Variants in PRKAR2B observed in about 807,000 individuals in gnomAD.
PRKAR2B encodes protein kinase cAMP-dependent type II regulatory subunit beta.
Under a neutral mutation model 49.9 loss-of-function variants are expected in PRKAR2B, and 14 were observed. That is an observed-to-expected ratio of 0.28 (90% CI 0.19 to 0.44). PRKAR2B has a LOEUF of 0.44. Ranked by LOEUF, PRKAR2B falls within the 20% of genes least tolerant of loss-of-function variation. The pLI is 1.00. For synonymous variants in PRKAR2B, 196 were observed against 197.7 expected, an observed-to-expected ratio of 0.99 and a Z score of 0.07; for missense variants, 393 against 537.9, an observed-to-expected ratio of 0.73 and a Z score of 2.67.
chr7:107,146,837 T>G (rs1199749052), intron 6 of PRKAR2B, among the ~76,000 whole-genome samples: 1 of 152,214 alleles, frequency 6.6e-6, no homozygotes, highest in East Asian at 1.9e-4. Flanking sequence ...TCCCAGAGTG[T>G]GGTCCCCTGA....
chr7:107,149,047 A>G (rs1795940485), intron 6 of PRKAR2B, among the ~76,000 whole-genome samples: 1 of 152,224 alleles, frequency 6.6e-6, no homozygotes, highest in South Asian at 2.1e-4. Context: ...ATGGTGTTAT[A>G]CCTGATTTCC....
chr7:107,079,912 G>C (rs576334467), intron 2 of PRKAR2B, among the ~76,000 whole-genome samples: 1 of 150,002 alleles, frequency 6.7e-6, no homozygotes, highest in Non-Finnish European at 1.5e-5. Context: ...TGTGTAGAGC[G>C]GTGTGAGATT....
chr7:107,059,850 A>G (rs988608003), intron 1 of PRKAR2B, among the ~76,000 whole-genome samples: 2 of 152,114 alleles, frequency 1.3e-5, no homozygotes. Flanking sequence ...TAATACTTCT[A>G]AGATTTTCTT....
chr7:107,055,319 TATATACCCAGTA>T (rs1793890481), intron 1 of PRKAR2B, among the ~76,000 whole-genome samples: 1 of 152,218 alleles, frequency 6.6e-6, no homozygotes, highest in South Asian at 2.1e-4. Context: ...ATCCTTTGGG[TATATACCCAGTA>T]ATGGGATGGC....
intron 1 of PRKAR2B, among the ~76,000 whole-genome samples, chr7:107,060,868 T>C (rs1794014847): frequency 6.6e-6 from 1 of 152,202 alleles, no homozygotes; most frequent in Non-Finnish European, 1.5e-5. Flanking sequence ...CTCTTTATTT[T>C]CCTGCAAAAA....
At chr7:107,058,175 C>T (rs1373367955) in intron 1 of PRKAR2B, among the ~76,000 whole-genome samples, 1 of 152,054 alleles carries the variant, frequency 6.6e-6, no homozygotes, top group African/African-American at 2.4e-5. Flanking sequence ...ACACAGTCTC[C>T]AAGTTTATGG....
chr7:107,127,508 C>G (rs556584354), intron 3 of PRKAR2B, among the ~76,000 whole-genome samples: 1 of 152,354 alleles, frequency 6.6e-6, no homozygotes, highest in African/African-American at 2.4e-5. Flanking sequence ...CTCTAGAATA[C>G]AAGTTTAGTG....
intron 1 of PRKAR2B, among the ~76,000 whole-genome samples, chr7:107,068,045 T>A (rs561259294): frequency 6.6e-6 from 1 of 152,194 alleles, no homozygotes; most frequent in Non-Finnish European, 1.5e-5. Context: ...GGAGTTTGCC[T>A]GACAAAAGCC....
intron 1 of PRKAR2B, among the ~76,000 whole-genome samples, chr7:107,054,903 C>G (rs894375498): frequency 6.6e-6 from 1 of 152,104 alleles, no homozygotes; most frequent in African/African-American, 2.4e-5. Flanking sequence ...TGTTGGTGTG[C>G]TACACCCATT....
At chr7:107,123,416 G>T (rs1795423844) in intron 3 of PRKAR2B, among the ~76,000 whole-genome samples, 1 of 152,148 alleles carries the variant, frequency 6.6e-6, no homozygotes, top group Non-Finnish European at 1.5e-5. Flanking sequence ...GGAGACAAAT[G>T]TGAAAAAGAA....
intron 1 of PRKAR2B, among the ~76,000 whole-genome samples, chr7:107,069,464 AC>A (rs1355554677): frequency 2.6e-5 from 4 of 152,222 alleles, no homozygotes; most frequent in Non-Finnish European, 4.4e-5. Context: ...ACATTCTGTT[AC>A]CAAAATACTG....
At chr7:107,055,763 T>A (rs1337792259) in intron 1 of PRKAR2B, among the ~76,000 whole-genome samples, 1 of 152,238 alleles carries the variant, frequency 6.6e-6, no homozygotes, top group African/African-American at 2.4e-5. Context: ...TTCTGTAGGT[T>A]GCCTGTTCAC....
At chr7:107,151,360 A>C (rs1482344040) in intron 7 of PRKAR2B, among the ~76,000 whole-genome samples, 1 of 152,324 alleles carries the variant, frequency 6.6e-6, no homozygotes, top group South Asian at 2.1e-4. Context: ...CTAGATATAG[A>C]ATGTCCTCTC....
At chr7:107,097,833 T>C (rs1794874690) in intron 2 of PRKAR2B, among the ~76,000 whole-genome samples, 2 of 152,236 alleles carry the variant, frequency 1.3e-5, no homozygotes, top group African/African-American at 2.4e-5. Context: ...TGTTGAATAT[T>C]GGCCCCCATT....
chr7:107,067,528 A>T lies in PRKAR2B; in HGVS notation c.308-2753A>T, dbSNP rs564998538. 4.6e-5 allele frequency among the ~76,000 whole-genome samples: 7 copies of T among 152,350 alleles called. No individual in the cohort carries two copies. In the South Asian group the frequency reaches 1.0e-3, roughly 23 times the overall value. On this transcript the variant is annotated intron_variant, in intron 1 of 10. Transcript: ENST00000265717. The stretch of plus-strand genomic sequence containing the variant: ...CTGTCTACTCACGATTTAGAAATTG[A>T]TAGAATGTCTAGCAAAAATATCAAG...
rs1251829852 is a variant in PRKAR2B at position 107,066,342 on chromosome 7, A to G, written c.308-3939A>G. On this transcript the variant is annotated intron_variant, in intron 1 of 10. Coordinates refer to ENST00000265717, the MANE Select transcript of PRKAR2B (RefSeq NM_002736.3). ...TGTGTGTGTGTGTGTGTATTCACCAAATATCCACAGAATAAGAAAATCTAA... is the reference window on the plus strand; with the variant it reads ...TGTGTGTGTGTGTGTGTATTCACCAGATATCCACAGAATAAGAAAATCTAA... Among the ~76,000 whole-genome samples the G allele has an allele frequency of 9.5e-4, 136 of 143,524 alleles. 2 individuals carry two copies. Among genetic ancestry groups the G allele is most frequent in the Non-Finnish European group, 1.1e-4 (7 of 66,634 alleles). The allele number at this position is 143,524 out of a possible 152,430, so 94.2% of individuals were successfully genotyped here.
At chr7:107,114,324 C>CTGTGTGTGTG (rs58110858) in intron 2 of PRKAR2B, among the ~76,000 whole-genome samples, 132 of 130,932 alleles carry the variant, frequency 1.0e-3, no homozygotes, top group South Asian at 2.8e-3. Flanking sequence ...GCATGTACAG[C>CTGTGTGTGTG]TGTGTGTGTG....
At chr7:107,076,284 A>T (rs559305439) in intron 2 of PRKAR2B, among the ~76,000 whole-genome samples, 1 of 152,310 alleles carries the variant, frequency 6.6e-6, no homozygotes, top group South Asian at 2.1e-4. Context: ...CTATTATCTC[A>T]TACAGAGTTT....
Position 107,070,364 on chromosome 7 carries a change from A to C in PRKAR2B, c.343+48A>C, listed in dbSNP as rs758369918. 7 of 1,462,600 alleles carry C rather than the reference A, an allele frequency of 4.8e-6. No homozygotes were observed. In the East Asian group the frequency reaches 1.6e-4, roughly 33 times the overall value. 90.6% of individuals were successfully genotyped at this position (1,462,600 alleles called of 1,614,324 possible). ...TTTTGTTTATTAATGGTGACATTTA[A>C]AAAATGATAATATTGGACAAGAAGG... On this transcript the variant is annotated intron_variant, in intron 2 of 10. Coordinates refer to ENST00000265717, the MANE Select transcript of PRKAR2B (RefSeq NM_002736.3).
Sources: gnomAD v4.1 joint callset for allele counts (sites outside exome capture counted in the v4.1 genomes callset) on GRCh38, gnomAD v4.1.1 for gene constraint, MANE v1.5 for transcripts, NCBI Gene and HGNC (gene_info 2026-07-23, HGNC 2026-07-21) for gene names.